PRPSAP2: variants seen among roughly 807,000 people sequenced by gnomAD.
The protein encoded by PRPSAP2 is phosphoribosyl pyrophosphate synthase-associated protein 2.
PRPSAP2 carries 24 observed loss-of-function variants against 40.6 expected under a neutral mutation model. The observed-to-expected ratio is 0.59, with a 90% CI of 0.43 to 0.83. PRPSAP2 has a LOEUF of 0.83. PRPSAP2 is among the 40% of genes least tolerant of loss of function. The pLI, the probability that PRPSAP2 is intolerant of heterozygous loss-of-function variation, is 0.00. For missense variants in PRPSAP2, 292 were observed against 465.6 expected (o/e 0.63, Z 3.43); for synonymous variants, 149 against 164.7 (o/e 0.90, Z 0.73).
intron 1 of PRPSAP2, chr17:18,859,293 A>G (rs1426997000): frequency 6.6e-6 from 1 of 152,198 alleles, no homozygotes; most frequent in African/African-American, 2.4e-5. Context: ...TACAATAGAC[A>G]TTTTTCAAAA....
chr17:18,916,113 T>G (rs2041293936), intron 9 of PRPSAP2, among the ~76,000 whole-genome samples: 1 of 151,710 alleles, frequency 6.6e-6, no homozygotes, highest in African/African-American at 2.4e-5. Flanking sequence ...CCACTGCGCC[T>G]GGCCCAAATT....
chr17:18,908,447 G>A (rs1239451406), intron 8 of PRPSAP2: 1 of 759,020 alleles, frequency 1.3e-6, no homozygotes, highest in Non-Finnish European at 2.5e-6. Context: ...ATTTGCCTCA[G>A]AGAAGGATCT....
intron 11 of PRPSAP2, among the ~76,000 whole-genome samples, chr17:18,929,992 C>T (rs1004134618): frequency 1.3e-5 from 2 of 152,208 alleles, no homozygotes; most frequent in Middle Eastern, 3.4e-3. Context: ...TGGGGGGGGG[C>T]TCCAGTTTCT....
chr17:18,898,024 G>A lies in PRPSAP2; in HGVS notation c.584+8147G>A, dbSNP rs935414925. Among the ~76,000 whole-genome samples, 8 of 124,522 alleles carry A rather than the reference G, an allele frequency of 6.4e-5. No individual in the cohort carries two copies. The South Asian group carries it at 1.7e-3, about 27-fold the overall frequency. 81.7% of individuals were successfully genotyped at this position (124,522 alleles called of 152,430 possible). A position where few individuals can be genotyped will look rare whatever the true frequency, so the allele number is the denominator to read the frequency against. On this transcript the variant is annotated intron_variant, in intron 8 of 11. Coordinates refer to ENST00000268835, the MANE Select transcript of PRPSAP2 (RefSeq NM_002767.4). ...TTTTTTTTTTTTTTTTTTTGAGGCA[G>A]TGTCTCGCTCTGTCACCAGGTTGGA...
At chr17:18,915,977 A>G (rs548057038) in intron 9 of PRPSAP2, among the ~76,000 whole-genome samples, 1 of 151,520 alleles carries the variant, frequency 6.6e-6, no homozygotes, top group Non-Finnish European at 1.5e-5. Flanking sequence ...ATGCCACCAC[A>G]CCCGGCTAAT....
At chr17:18,905,001 A>G (rs567081128) in intron 8 of PRPSAP2, 1 of 152,130 alleles carries the variant, frequency 6.6e-6, no homozygotes, top group Non-Finnish European at 1.5e-5. Flanking sequence ...TGTGCAGGTA[A>G]TAATTTTATT....
At chr17:18,856,680 A>T (rs2036607445), upstream of PRPSAP2, among the ~76,000 whole-genome samples, 1 of 152,214 alleles carries the variant, frequency 6.6e-6, no homozygotes, top group South Asian at 2.1e-4. Flanking sequence ...CCAAAGCAGA[A>T]TTGGAGAGAA....
chr17:18,930,086 A>G lies in PRPSAP2; in HGVS notation c.952-454A>G, dbSNP rs145729300. 2.8e-3 allele frequency among the ~76,000 whole-genome samples: 429 copies of G among 152,202 alleles called. 2 individuals carry two copies. The highest frequency in any genetic ancestry group is 1.0e-2 in the African/African-American group (414 of 41,536). On this transcript the variant is annotated intron_variant, in intron 11 of 11. Coordinates refer to ENST00000268835, the MANE Select transcript of PRPSAP2 (RefSeq NM_002767.4). ...AGGTTATCAAATCTTAACCTAAGAA[A>G]CACAGGCTGGGCGCGGTGGCTCACG...
Position 18,930,729 on chromosome 17 carries a change from A to C in PRPSAP2, c.*31A>C. ...CCTTTAGGAAAACTCCCGAGGGCCA[A>C]ACTGGAAACATAAGAGTGACTGCTC... On this transcript the variant is annotated 3_prime_UTR_variant, in exon 12 of 12. Coordinates refer to ENST00000268835, the MANE Select transcript of PRPSAP2 (RefSeq NM_002767.4). The C allele has an allele frequency of 1.3e-6, 2 of 1,580,582 alleles. No individual in the cohort carries two copies. The highest frequency in any genetic ancestry group is 2.7e-5 in the African/African-American group (2 of 74,126).
rs2042208914 is a variant in PRPSAP2 at position 18,930,542 on chromosome 17, G to A, written c.954G>A (p.Val318=). 6.2e-7 allele frequency: 1 copy of A among 1,611,342 alleles called. No individual in the cohort carries two copies. The highest frequency in any genetic ancestry group is 8.5e-7 in the Non-Finnish European group (1 of 1,178,484). Residue 318 remains valine, a splice_region_variant and synonymous_variant, in exon 12 of 12, where the codon GTG becomes GTA. Transcript: ENST00000268835. ...RRIEESAIDE[V]VVTNTIPHEV... Reference sequence around the variant, plus strand: ...GTTTTTTTTCTTTTGCTTCACAGGTGGTGGTCACCAATACAATTCCACATG... The same window carrying A: ...GTTTTTTTTCTTTTGCTTCACAGGTAGTGGTCACCAATACAATTCCACATG...
intron 8 of PRPSAP2, among the ~76,000 whole-genome samples, chr17:18,891,501 G>C (rs1271182861): frequency 6.6e-6 from 1 of 152,156 alleles, no homozygotes; most frequent in East Asian, 1.9e-4. Flanking sequence ...ATTTCAAATA[G>C]CTTTTCCAAA....
intron 4 of PRPSAP2, among the ~76,000 whole-genome samples, chr17:18,869,251 T>C (rs1338785224): frequency 6.6e-6 from 1 of 152,128 alleles, no homozygotes; most frequent in Non-Finnish European, 1.5e-5. Flanking sequence ...AAAACTGAGT[T>C]CAGGAGTTCA....
At chr17:18,885,345 C>T (rs1489386994) in intron 7 of PRPSAP2, among the ~76,000 whole-genome samples, 1 of 128,062 alleles carries the variant, frequency 7.8e-6, no homozygotes, top group East Asian at 2.3e-4. Context: ...TGAAGTTGCC[C>T]AGGTGGTCGA....
chr17:18,883,752 GT>G (rs2038936168), intron 7 of PRPSAP2, among the ~76,000 whole-genome samples: 2 of 151,832 alleles, frequency 1.3e-5, no homozygotes, highest in African/African-American at 4.8e-5. Context: ...TCTTTTTACA[GT>G]ACTGTATTTA....
At position 18,871,396 on chromosome 17, in the gene PRPSAP2, A is replaced by T. The variant is rs182297851; in HGVS notation, c.173-1187A>T. ...TTCTTAGTTCAAGGGATTTTTTTTA[A>T]AAAATATCTCTTTAGTCTCTTCTAT... is the stretch of plus-strand genomic sequence containing the variant. On this transcript the variant is annotated intron_variant, in intron 4 of 11. Coordinates refer to ENST00000268835, the MANE Select transcript of PRPSAP2 (RefSeq NM_002767.4). 6.6e-4 allele frequency among the ~76,000 whole-genome samples: 100 copies of T among 151,984 alleles called. 1 individual carries two copies. In the South Asian group the frequency reaches 7.7e-3, roughly 12 times the overall value.
chr17:18,891,040 G>C (rs900976867), intron 8 of PRPSAP2, among the ~76,000 whole-genome samples: 1 of 152,162 alleles, frequency 6.6e-6, no homozygotes, highest in Non-Finnish European at 1.5e-5. Context: ...GAGAGGGAAA[G>C]AACAAAATCA....
intron 6 of PRPSAP2, among the ~76,000 whole-genome samples, chr17:18,880,280 G>T (rs990460352): frequency 2.6e-5 from 4 of 152,062 alleles, no homozygotes; most frequent in Non-Finnish European, 5.9e-5. Flanking sequence ...TGTTCTTTTG[G>T]GCAAGTAATG....
intron 10 of PRPSAP2, 174 bp from the exon 11 acceptor site, chr17:18,928,637 A>C: frequency 1.4e-6 from 1 of 725,244 alleles, no homozygotes; most frequent in Non-Finnish European, 2.3e-6. Context: ...AAAGTACTGG[A>C]GGGCTGCCAT....
At chr17:18,930,509 A>C in intron 11 of PRPSAP2, 31 bp from the exon 12 acceptor site, 1 of 1,600,724 alleles carries the variant, frequency 6.2e-7, no homozygotes, top group South Asian at 1.1e-5. Context: ...TGGCTTTCTG[A>C]TGCTGTGGTT....
Sources: allele counts gnomAD v4.1 joint callset (sites outside exome capture counted in the v4.1 genomes callset), GRCh38; gene constraint gnomAD v4.1.1; transcripts MANE v1.5; gene names NCBI Gene and HGNC (gene_info 2026-07-23, HGNC 2026-07-21).